Variants in EPS15 observed in about 807,000 individuals in gnomAD.
The protein encoded by EPS15 is epidermal growth factor receptor pathway substrate 15, also known as epidermal growth factor receptor substrate 15.
EPS15 carries 72 observed loss-of-function variants against 113.8 expected under a neutral mutation model. The ratio of observed to expected loss-of-function variants is 0.63; its 90% CI spans 0.52 to 0.77. The LOEUF (loss-of-function observed/expected upper bound fraction) is 0.77. EPS15 is among the 30% of genes least tolerant of loss of function. EPS15 has a pLI of 0.00. For missense variants in EPS15, 1,048 were observed against 1,045.8 expected, an observed-to-expected ratio of 1.00 and a Z score of -0.03; for synonymous variants, 344 against 363.4, an observed-to-expected ratio of 0.95 and a Z score of 0.61.
rs377701588 is a variant in EPS15, at chr1:51,481,258, A to T, written c.75+15T>A. Reference sequence around the variant, plus strand: ...TAATGTTCAATCCAGGCAAACAATGAAACAAAAATCTTACCTGTCTATAGT... The same window carrying T: ...TAATGTTCAATCCAGGCAAACAATGTAACAAAAATCTTACCTGTCTATAGT... On this transcript the variant is annotated intron_variant, in intron 2 of 24. Coordinates refer to ENST00000371733, the MANE Select transcript of EPS15 (RefSeq NM_001981.3). 2 of 1,312,644 alleles carry T rather than the reference A, an allele frequency of 1.5e-6. No individual in the cohort carries two copies. Among genetic ancestry groups the T allele is most frequent in the African/African-American group, 1.4e-5 (1 of 69,204 alleles). The allele number at this position is 1,312,644 out of a possible 1,614,324, so 81.3% of individuals were successfully genotyped here. A position where few individuals can be genotyped will look rare whatever the true frequency, so the allele number is the denominator to read the frequency against.
chr1:51,434,114 T>C (rs911526232), intron 12 of EPS15, among the ~76,000 whole-genome samples: 2 of 152,168 alleles, frequency 1.3e-5, no homozygotes, highest in African/African-American at 2.4e-5. Context: ...GGTATAACAG[T>C]CTTCATCAGA....
intron 1 of EPS15, among the ~76,000 whole-genome samples, chr1:51,499,510 AT>A (rs1332322173): frequency 6.6e-6 from 1 of 152,018 alleles, no homozygotes; most frequent in Non-Finnish European, 1.5e-5. Context: ...TTGCTGAACC[AT>A]TTATTTTGAA....
rs549241497 is a variant in EPS15, at chr1:51,355,706, C to A, written c.*994G>T. The A allele has an allele frequency of 5.4e-6, 1 of 184,286 alleles. No homozygotes were observed. Among genetic ancestry groups the A allele is most frequent in the African/African-American group, 2.5e-5 (1 of 39,840 alleles). The allele number at this position is 184,286 out of a possible 1,614,324, so 11.4% of individuals were successfully genotyped here. ...AGTTTTTACATTTCAAGTAAATGAG[C>A]CTTCATTAAAAAAAAAAAAACAAAT... On this transcript the variant is annotated 3_prime_UTR_variant, in exon 25 of 25. Transcript: ENST00000371733.
chr1:51,356,943 C>T, intron 24 of EPS15, 97 bp from the exon 25 acceptor site: 1 of 981,304 alleles, frequency 1.0e-6, no homozygotes, highest in Non-Finnish European at 1.5e-6. Context: ...ACCTGAAGGA[C>T]TCTGGAAATA....
chr1:51,439,411 C>T (rs1285824570), intron 12 of EPS15, among the ~76,000 whole-genome samples: 1 of 151,968 alleles, frequency 6.6e-6, no homozygotes, highest in East Asian at 1.9e-4. Context: ...CATTTAATCT[C>T]CTTATATCTC....
chr1:51,389,133 C>T (rs894197059), intron 21 of EPS15, among the ~76,000 whole-genome samples: 6 of 152,194 alleles, frequency 3.9e-5, no homozygotes, highest in Non-Finnish European at 8.8e-5. Context: ...ATCAAGTGGG[C>T]TTCATCCCTG....
chr1:51,401,050 T>C (rs1051344362), intron 18 of EPS15, 97 bp from the exon 19 acceptor site: 4 of 718,236 alleles, frequency 5.6e-6, no homozygotes, highest in African/African-American at 1.8e-5. Context: ...CAAAGCAAAG[T>C]TTATTTCAAT....
At chr1:51,484,765 G>A (rs1393813202) in intron 1 of EPS15, among the ~76,000 whole-genome samples, 1 of 152,178 alleles carries the variant, frequency 6.6e-6, no homozygotes, top group African/African-American at 2.4e-5. Flanking sequence ...ATTTGACACT[G>A]GTGCTCCTGT....
intron 14 of EPS15, among the ~76,000 whole-genome samples, chr1:51,408,833 T>A (rs959843878): frequency 6.8e-6 from 1 of 145,996 alleles, no homozygotes; most frequent in African/African-American, 2.6e-5. Flanking sequence ...AGAGTCTCGC[T>A]CTGTTGCCCA....
At chr1:51,500,194 T>C (rs1273871979) in intron 1 of EPS15, among the ~76,000 whole-genome samples, 1 of 152,234 alleles carries the variant, frequency 6.6e-6, no homozygotes, top group Non-Finnish European at 1.5e-5. Context: ...CATTCATCTG[T>C]CAAAGGATAC....
chr1:51,459,419 T>G (rs922592281), intron 8 of EPS15, among the ~76,000 whole-genome samples: 6 of 151,986 alleles, frequency 3.9e-5, no homozygotes, highest in Non-Finnish European at 8.8e-5. Flanking sequence ...ATCGTCGAAC[T>G]TGGGAGGCGG....
chr1:51,369,562 A>G (rs35981450), intron 21 of EPS15, among the ~76,000 whole-genome samples: 8,589 of 152,294 alleles, frequency 0.056, 338 homozygotes, highest in Non-Finnish European at 0.086. Context: ...TTTAAAAATC[A>G]TCCCTAAATC....
chr1:51,373,899 C>T (rs1414543292), intron 21 of EPS15, among the ~76,000 whole-genome samples: 1 of 151,870 alleles, frequency 6.6e-6, no homozygotes, highest in African/African-American at 2.4e-5. Flanking sequence ...CGCAGTGAGC[C>T]GAGATTGCAC....
rs1398807386 is a variant in EPS15, at chr1:51,492,477, G to T, written c.34-11163C>A. Among the ~76,000 whole-genome samples, 6 of 152,080 alleles carry T rather than the reference G, an allele frequency of 3.9e-5. No homozygotes were observed. In the East Asian group the frequency reaches 1.2e-3, roughly 29 times the overall value. On this transcript the variant is annotated intron_variant, in intron 1 of 24. Transcript: ENST00000371733. The stretch of plus-strand genomic sequence containing the variant: ...GAAAGAAGAAAGGGACTTTAGAATA[G>T]ACAAAAGAATTTCAAAGAGATAGTA...
Position 51,445,184 on chromosome 1 carries a change from A to C in EPS15, c.798-139T>G, listed in dbSNP as rs1570320152. ...TCACACCAACTTGCAGGTTATTAAA[A>C]ACTCACTCAACTGTTCGAAGAGGTA... On this transcript the variant is annotated intron_variant, in intron 10 of 24. Coordinates refer to ENST00000371733, the MANE Select transcript of EPS15 (RefSeq NM_001981.3). The C allele has an allele frequency of 2.5e-5, 18 of 730,638 alleles. No individual in the cohort carries two copies. In the East Asian group the frequency reaches 4.9e-4, roughly 20 times the overall value. The allele number at this position is 730,638 out of a possible 1,614,324, so 45.3% of individuals were successfully genotyped here. A position where few individuals can be genotyped will look rare whatever the true frequency, so the allele number is the denominator to read the frequency against.
chr1:51,388,361 C>T (rs375379691), intron 21 of EPS15, among the ~76,000 whole-genome samples: 6 of 152,010 alleles, frequency 3.9e-5, no homozygotes, highest in African/African-American at 1.5e-4. Flanking sequence ...GCCCACAAGA[C>T]AAAGCAGGAA....
rs573913023 is a variant in EPS15 at position 51,388,936 on chromosome 1, G to C, written c.2119+5445C>G. ...CCTTCTGAAACTATTCCAATCAACA[G>C]AAAAAGAGGGAATCCTCCCTAACTC... On this transcript the variant is annotated intron_variant, in intron 21 of 24. Transcript: ENST00000371733. 1.7e-3 allele frequency among the ~76,000 whole-genome samples: 262 copies of C among 152,240 alleles called. 1 individual carries two copies. Among genetic ancestry groups the C allele is most frequent in the African/African-American group, 5.8e-3 (242 of 41,524 alleles).
intron 19 of EPS15, among the ~76,000 whole-genome samples, chr1:51,400,210 T>C (rs1162576445): frequency 6.6e-6 from 1 of 152,234 alleles, no homozygotes; most frequent in Non-Finnish European, 1.5e-5. Flanking sequence ...AAAAGCCTGA[T>C]GTTTTAGTAA....
At chr1:51,373,645 T>A (rs748803376) in intron 21 of EPS15, among the ~76,000 whole-genome samples, 39 of 152,190 alleles carry the variant, frequency 2.6e-4, no homozygotes, top group Admixed American at 3.9e-4. Flanking sequence ...GAATAGTGCA[T>A]CATGTTTTGG....
Sources: allele counts gnomAD v4.1 joint callset (sites outside exome capture counted in the v4.1 genomes callset), GRCh38; gene constraint gnomAD v4.1.1; transcripts MANE v1.5; gene names NCBI Gene and HGNC (gene_info 2026-07-23, HGNC 2026-07-21).